The following GRIK4 variants were observed in gnomAD, a reference collection of about 807,000 sequenced individuals.
The protein encoded by GRIK4 is glutamate receptor ionotropic, kainate 4.
Under a neutral mutation model 104.9 loss-of-function variants are expected in GRIK4, and 40 were observed. That is an observed-to-expected ratio of 0.38 (90% CI 0.30 to 0.50). The LOEUF is 0.50. Among genes scored for constraint, GRIK4 ranks in the 20% least tolerant of loss-of-function variants. The pLI is 0.93. For synonymous variants in GRIK4, 485 were observed against 524.9 expected (o/e 0.92, Z 1.04); for missense variants, 1,047 against 1,308.1 (o/e 0.80, Z 3.08).
intron 3 of GRIK4, among the ~76,000 whole-genome samples, chr11:120,794,408 G>A (rs1051905487): frequency 6.6e-6 from 1 of 151,964 alleles, no homozygotes; most frequent in Non-Finnish European, 1.5e-5. Flanking sequence ...GGTTTTAGGG[G>A]CTACGTTGTC....
In GRIK4 at chr11:120,791,361, T is replaced by C. The variant is rs536335655; in HGVS notation, c.83-11332T>C. Among the ~76,000 whole-genome samples the C allele has an allele frequency of 2.0e-5, 3 of 152,352 alleles. No individual in the cohort carries two copies. The East Asian group carries it at 5.8e-4, about 29-fold the overall frequency. ...TTTGCATTTCCCCAGTGACTAATAA[T>C]GTTGGACATATTTTCACGTGCTTAC... On this transcript the variant is annotated intron_variant, in intron 3 of 20. Transcript: ENST00000527524.
chr11:120,930,144 T>TG, intron 13 of GRIK4, among the ~76,000 whole-genome samples: 2 of 152,270 alleles, frequency 1.3e-5, no homozygotes, highest in Non-Finnish European at 2.9e-5. Flanking sequence ...AATGTGTACA[T>TG]GGGGGTCTGA....
chr11:120,527,116 C>G (rs532581721), intron 1 of GRIK4, among the ~76,000 whole-genome samples: 1 of 152,358 alleles, frequency 6.6e-6, no homozygotes, highest in East Asian at 1.9e-4. Flanking sequence ...AGAGCCAGCA[C>G]CCAGTCCTGG....
At chr11:120,734,990 A>G (rs538798255) in intron 3 of GRIK4, among the ~76,000 whole-genome samples, 1 of 152,212 alleles carries the variant, frequency 6.6e-6, no homozygotes, top group East Asian at 1.9e-4. Flanking sequence ...ATTATCTTGA[A>G]TTTCTTTGAG....
In GRIK4 at chr11:120,929,163, C is replaced by G. The variant is rs545309105; in HGVS notation, c.1477-11184C>G. On this transcript the variant is annotated intron_variant, in intron 13 of 20. Transcript: ENST00000527524. ...GTGGTGGGGTTGGCATCCAGTCTCC[C>G]CAGTGGACAAGGACACCAAATATTT... 2.0e-5 allele frequency among the ~76,000 whole-genome samples: 3 copies of G among 152,248 alleles called. No homozygotes were observed. The East Asian group carries it at 5.8e-4, about 29-fold the overall frequency.
chr11:120,890,738 G>A (rs1955264911), intron 11 of GRIK4, among the ~76,000 whole-genome samples: 2 of 152,148 alleles, frequency 1.3e-5, no homozygotes, highest in South Asian at 4.1e-4. Flanking sequence ...CATTTCTCAG[G>A]TGGGAATAAT....
chr11:120,653,369 T>C (rs1949648332), intron 1 of GRIK4, among the ~76,000 whole-genome samples: 1 of 152,154 alleles, frequency 6.6e-6, no homozygotes, highest in Non-Finnish European at 1.5e-5. Flanking sequence ...TTTTTTGGTG[T>C]TAAGGTAAGG....
At chr11:120,747,871 C>G (rs980436340) in intron 3 of GRIK4, among the ~76,000 whole-genome samples, 2 of 152,210 alleles carry the variant, frequency 1.3e-5, no homozygotes, top group African/African-American at 4.8e-5. Context: ...CACACACACA[C>G]CAGTTTTCAA....
rs1944123577 is a variant in GRIK4 at position 120,955,520 on chromosome 11, G to A, written c.1701-1260G>A. ...CAGTTTCTCTCGTCAGAGCTGGAAG[G>A]CTTTGCGTACAAGATGGGCCGGGGC... On this transcript the variant is annotated intron_variant, in intron 15 of 20. Transcript: ENST00000527524. 2.0e-5 allele frequency among the ~76,000 whole-genome samples: 3 copies of A among 152,238 alleles called. No individual in the cohort carries two copies. In the South Asian group the frequency reaches 6.2e-4, roughly 32 times the overall value.
intron 3 of GRIK4, among the ~76,000 whole-genome samples, chr11:120,777,718 C>G (rs1425118055): frequency 6.6e-6 from 1 of 152,168 alleles, no homozygotes; most frequent in East Asian, 1.9e-4. Context: ...GGGTGGATCA[C>G]TTGAGGTCAG....
chr11:120,532,165 A>C (rs548056201), intron 1 of GRIK4, among the ~76,000 whole-genome samples: 9 of 152,272 alleles, frequency 5.9e-5, no homozygotes, highest in Admixed American at 3.9e-4. Context: ...GGGTGATTGC[A>C]TGGTCCCGAT....
At chr11:120,681,904 G>A (rs1344917680) in intron 3 of GRIK4, among the ~76,000 whole-genome samples, 1 of 152,234 alleles carries the variant, frequency 6.6e-6, no homozygotes. Flanking sequence ...TCTCCAAGGG[G>A]AAGCATAATG....
At chr11:120,822,280 G>T (rs1451037813) in intron 6 of GRIK4, among the ~76,000 whole-genome samples, 1 of 151,476 alleles carries the variant, frequency 6.6e-6, no homozygotes, top group African/African-American at 2.4e-5. Flanking sequence ...CTCCAGCAGG[G>T]CTTCCATGAA....
At chr11:120,601,508 G>T (rs112190081) in intron 1 of GRIK4, among the ~76,000 whole-genome samples, 141 of 152,238 alleles carry the variant, frequency 9.3e-4, no homozygotes, top group African/African-American at 3.3e-3. Context: ...GTGGCTGTTT[G>T]TTTAAAGATC....
chr11:120,533,615 C>T (rs1320538377), intron 1 of GRIK4, among the ~76,000 whole-genome samples: 1 of 152,222 alleles, frequency 6.6e-6, no homozygotes, highest in Non-Finnish European at 1.5e-5. Flanking sequence ...TGGTGGCTCA[C>T]ACCTGTAATC....
intron 3 of GRIK4, among the ~76,000 whole-genome samples, chr11:120,772,492 C>T (rs1486547296): frequency 1.3e-5 from 2 of 152,140 alleles, no homozygotes; most frequent in Non-Finnish European, 2.9e-5. Flanking sequence ...ATTCCCCATC[C>T]TCTGTTATCA....
intron 11 of GRIK4, among the ~76,000 whole-genome samples, chr11:120,877,039 C>T (rs1954839887): frequency 6.6e-6 from 1 of 152,184 alleles, no homozygotes; most frequent in Admixed American, 6.5e-5. Context: ...GGCCAGGTCA[C>T]CCTTCTTGGA....
chr11:120,879,884 G>C (rs1240813762), intron 11 of GRIK4, among the ~76,000 whole-genome samples: 1 of 152,168 alleles, frequency 6.6e-6, no homozygotes, highest in African/African-American at 2.4e-5. Context: ...GAAATCTTTG[G>C]AAGAGGCTGG....
chr11:120,793,406 A>G (rs143011320), intron 3 of GRIK4, among the ~76,000 whole-genome samples: 3 of 152,150 alleles, frequency 2.0e-5, no homozygotes, highest in African/African-American at 7.2e-5. Flanking sequence ...AGGCCTCGGG[A>G]GAGGCTGAAG....
Sources: allele counts gnomAD v4.1 joint callset (sites outside exome capture counted in the v4.1 genomes callset), GRCh38; gene constraint gnomAD v4.1.1; transcripts MANE v1.5; gene names NCBI Gene and HGNC (gene_info 2026-07-23, HGNC 2026-07-21).